The following PPP1R1C variants were observed in gnomAD, a reference collection of about 807,000 sequenced individuals.
PPP1R1C encodes protein phosphatase 1 regulatory subunit 1C.
A neutral mutation model predicts 17.4 loss-of-function variants in PPP1R1C; 15 were observed. The observed-to-expected ratio is 0.86, with a 90% CI of 0.58 to 1.33. PPP1R1C has a LOEUF of 1.33. Among genes scored for constraint, PPP1R1C ranks in the 40% most tolerant of loss-of-function variants. The pLI is 0.00. For missense variants in PPP1R1C, 143 were observed against 130.0 expected (o/e 1.10, Z -0.48); for synonymous variants, 35 against 43.1 (o/e 0.81, Z 0.73).
In PPP1R1C at chr2:182,117,386, A is replaced by G; in HGVS notation, c.*91A>G. On this transcript the variant is annotated 3_prime_UTR_variant, in exon 5 of 5. Coordinates refer to ENST00000682840, the MANE Select transcript of PPP1R1C (RefSeq NM_001080545.3). Reference sequence around the variant, plus strand: ...TGGAATTCCACTGCTTGACTTCCAGAAGCATCCTCCATCTCTGCACCCCAC... The same window carrying G: ...TGGAATTCCACTGCTTGACTTCCAGGAGCATCCTCCATCTCTGCACCCCAC... 1.1e-6 allele frequency: 1 copy of G among 902,090 alleles called. No homozygotes were observed. Among genetic ancestry groups the G allele is most frequent in the Non-Finnish European group, 1.7e-6 (1 of 578,500 alleles). 55.9% of individuals were successfully genotyped at this position (902,090 alleles called of 1,614,324 possible).
intron 4 of PPP1R1C, among the ~76,000 whole-genome samples, chr2:182,108,135 G>A (rs1689310149): frequency 1.3e-5 from 2 of 152,008 alleles, no homozygotes; most frequent in South Asian, 4.1e-4. Context: ...TAGTAATGGT[G>A]TCACAGATGC....
chr2:182,000,221 C>T (rs1293234338), intron 2 of PPP1R1C, among the ~76,000 whole-genome samples: 1 of 152,160 alleles, frequency 6.6e-6, no homozygotes, highest in Non-Finnish European at 1.5e-5. Flanking sequence ...CACAAGGCTG[C>T]TGGGAGAGTA....
chr2:182,093,742 G>A (rs1688853140), intron 4 of PPP1R1C, among the ~76,000 whole-genome samples: 1 of 152,144 alleles, frequency 6.6e-6, no homozygotes. Flanking sequence ...AACATAATAA[G>A]AGTCACCTTT....
upstream of PPP1R1C, among the ~76,000 whole-genome samples, chr2:181,983,996 T>C (rs1462192509): frequency 1.3e-5 from 2 of 152,224 alleles, no homozygotes; most frequent in African/African-American, 4.8e-5. Flanking sequence ...ATGAGAACCA[T>C]TTTATTGGTA....
chr2:182,022,283 T>A (rs1053788104), intron 2 of PPP1R1C, among the ~76,000 whole-genome samples: 5 of 152,222 alleles, frequency 3.3e-5, no homozygotes, highest in African/African-American at 7.2e-5. Context: ...ATAGGCTAAA[T>A]ACCACTTTGC....
chr2:182,011,251 C>T (rs1029639006), intron 2 of PPP1R1C, among the ~76,000 whole-genome samples: 1 of 151,940 alleles, frequency 6.6e-6, no homozygotes, highest in African/African-American at 2.4e-5. Context: ...GGGTGCCAGG[C>T]TTTTCTTAGT....
intron 4 of PPP1R1C, among the ~76,000 whole-genome samples, chr2:182,096,231 C>G (rs540448328): frequency 6.6e-6 from 1 of 152,090 alleles, no homozygotes; most frequent in Non-Finnish European, 1.5e-5. Flanking sequence ...ATTTAGCAAG[C>G]CTTGTTTGTT....
chr2:182,101,462 T>C (rs1264604284), intron 4 of PPP1R1C, among the ~76,000 whole-genome samples: 1 of 152,208 alleles, frequency 6.6e-6, no homozygotes, highest in Non-Finnish European at 1.5e-5. Flanking sequence ...CTAGTGGTGA[T>C]TTCTTTTTAC....
intron 2 of PPP1R1C, among the ~76,000 whole-genome samples, chr2:182,049,630 G>A (rs573796896): frequency 6.6e-6 from 1 of 152,134 alleles, no homozygotes; most frequent in South Asian, 2.1e-4. Context: ...AAACATGCAG[G>A]GGTTTACCTT....
chr2:182,125,215 A>G (rs1689846075), intron 5 of PPP1R1C, among the ~76,000 whole-genome samples: 1 of 152,246 alleles, frequency 6.6e-6, no homozygotes, highest in East Asian at 1.9e-4. Context: ...TGATTTGTGT[A>G]TGTTGAACCA....
rs1369833450 is a variant in PPP1R1C, at chr2:181,976,014, T to C, written n.157+750T>C. Among the ~76,000 whole-genome samples the C allele has an allele frequency of 1.3e-5, 2 of 152,104 alleles. No individual in the cohort carries two copies. The highest frequency in any genetic ancestry group is 2.9e-5 in the Non-Finnish European group (2 of 67,956). Reference sequence around the variant, plus strand: ...ATGCAAAAGAACCTTAAAAATATTATTTAAAATTATCTTTGTTATTCTGGC... The same window carrying C: ...ATGCAAAAGAACCTTAAAAATATTACTTAAAATTATCTTTGTTATTCTGGC... On this transcript the variant is annotated intron_variant and non_coding_transcript_variant, in intron 2 of 5. Coordinates refer to the PPP1R1C transcript ENST00000464264. The surrounding 1 kb of genome is among the most constrained non-coding windows in gnomAD (Gnocchi z 4.8).
chr2:182,076,197 C>CTTT lies in PPP1R1C; in HGVS notation c.241+12445_241+12447dup, dbSNP rs1165789924. 8.1e-4 allele frequency among the ~76,000 whole-genome samples: 21 copies of CTTT among 25,856 alleles called. 1 individual carries two copies. The highest frequency in any genetic ancestry group is 2.1e-3 in the African/African-American group (10 of 4,682). The allele number at this position is 25,856 out of a possible 152,430, so 17.0% of individuals were successfully genotyped here. A position where few individuals can be genotyped will look rare whatever the true frequency, so the allele number is the denominator to read the frequency against. On this transcript the variant is annotated intron_variant, in intron 4 of 4. Coordinates refer to ENST00000682840, the MANE Select transcript of PPP1R1C (RefSeq NM_001080545.3). ...GATTTTGAACTTTTTTTTTTCTTTT[C>CTTT]TTTTTTTTTTTTTTTTTTTTTTTTT...
intron 2 of PPP1R1C, among the ~76,000 whole-genome samples, chr2:182,057,279 A>G (rs187934126): frequency 4.6e-5 from 7 of 152,308 alleles, no homozygotes; most frequent in Non-Finnish European, 8.8e-5. Flanking sequence ...GAATATGGTG[A>G]TAAGTTCTAT....
At chr2:182,001,303 A>G (rs906248756) in intron 2 of PPP1R1C, among the ~76,000 whole-genome samples, 31 of 152,112 alleles carry the variant, frequency 2.0e-4, no homozygotes, top group African/African-American at 7.2e-4. Context: ...CATAATAATG[A>G]TTTTGGGACT....
intron 4 of PPP1R1C, among the ~76,000 whole-genome samples, chr2:182,111,061 T>C (rs1331296613): frequency 1.8e-4 from 27 of 152,096 alleles, no homozygotes; most frequent in Admixed American, 1.8e-3. Context: ...ATGTGGGCTC[T>C]TTACGTTTTG....
downstream of PPP1R1C, chr2:182,131,236 G>A (rs559467643): frequency 6.6e-6 from 1 of 151,932 alleles, no homozygotes; most frequent in Middle Eastern, 3.4e-3. Flanking sequence ...ATTTATATAT[G>A]TGCTTGTATA....
intron 1 of PPP1R1C, among the ~76,000 whole-genome samples, chr2:181,959,224 G>C (rs372959352): frequency 6.6e-6 from 1 of 152,170 alleles, no homozygotes; most frequent in East Asian, 1.9e-4. Flanking sequence ...CTACGATTAA[G>C]AATTTTGTAG....
intron 2 of PPP1R1C, among the ~76,000 whole-genome samples, chr2:182,050,995 C>T (rs1399752684): frequency 2.6e-5 from 4 of 152,122 alleles, no homozygotes; most frequent in Non-Finnish European, 4.4e-5. Context: ...AACAAAACAA[C>T]AGCAGCAGCT....
chr2:182,083,587 T>C (rs1315101631), intron 4 of PPP1R1C, among the ~76,000 whole-genome samples: 1 of 152,188 alleles, frequency 6.6e-6, no homozygotes, highest in African/African-American at 2.4e-5. Context: ...TTGCAAAGGA[T>C]ATTTTTTTTC....
Sources: allele counts gnomAD v4.1 joint callset (sites outside exome capture counted in the v4.1 genomes callset), GRCh38; gene constraint gnomAD v4.1.1; non-coding constraint Gnocchi (gnomAD v3.1); transcripts MANE v1.5; gene names NCBI Gene and HGNC (gene_info 2026-07-23, HGNC 2026-07-21).